The following RORA variants were observed in gnomAD, a reference collection of about 807,000 sequenced individuals.
The protein encoded by RORA is RAR related orphan receptor A.
A neutral mutation model predicts 69.5 loss-of-function variants in RORA; 7 were observed. The observed-to-expected ratio is 0.10, with a 90% CI of 0.06 to 0.19. RORA has a LOEUF of 0.19. RORA is among the 10% of genes least tolerant of loss of function. The probability of loss-of-function intolerance (pLI) is 1.00; values close to 1 mark genes in which losing one functional copy is unlikely to be tolerated. For missense variants in RORA, 457 were observed against 663.0 expected (o/e 0.69, Z 3.41); for synonymous variants, 261 against 240.8 (o/e 1.08, Z -0.78).
chr15:60,947,493 G>C (rs1037570010), intron 1 of RORA, among the ~76,000 whole-genome samples: 1 of 151,800 alleles, frequency 6.6e-6, no homozygotes, highest in Non-Finnish European at 1.5e-5. Context: ...CTTGAAGGCA[G>C]CATGCTCGTT....
At chr15:60,587,370 T>C (rs987750986) in intron 2 of RORA, among the ~76,000 whole-genome samples, 1 of 152,208 alleles carries the variant, frequency 6.6e-6, no homozygotes, top group African/African-American at 2.4e-5. Flanking sequence ...TTTTCCCATA[T>C]AAATGCCAGA....
intron 1 of RORA, among the ~76,000 whole-genome samples, chr15:61,048,715 C>A (rs941673420): frequency 6.6e-6 from 1 of 152,166 alleles, no homozygotes; most frequent in Non-Finnish European, 1.5e-5. Flanking sequence ...TCCCCCTGAA[C>A]AATTCTCATC....
chr15:60,935,236 T>C (rs1237347074), intron 1 of RORA, among the ~76,000 whole-genome samples: 6 of 152,210 alleles, frequency 3.9e-5, no homozygotes, highest in African/African-American at 1.2e-4. Context: ...AAATAACCCA[T>C]TTGCCTGTAA....
intron 2 of RORA, among the ~76,000 whole-genome samples, chr15:60,638,188 A>G (rs142503331): frequency 1.3e-5 from 2 of 152,280 alleles, no homozygotes; most frequent in South Asian, 2.1e-4. Flanking sequence ...CAACCCATCT[A>G]TCTGTAGAAA....
chr15:60,748,848 T>C (rs1296059255), intron 1 of RORA, among the ~76,000 whole-genome samples: 1 of 152,220 alleles, frequency 6.6e-6, no homozygotes, highest in African/African-American at 2.4e-5. Flanking sequence ...GGAGTGTTTG[T>C]ATTCTAGAAT....
chr15:60,735,415 C>T (rs1056898759), intron 1 of RORA, among the ~76,000 whole-genome samples: 3 of 152,134 alleles, frequency 2.0e-5, no homozygotes, highest in Admixed American at 6.5e-5. Flanking sequence ...TGGTAGACAT[C>T]ATTCTAAACT....
At chr15:61,077,034 A>G (rs1354348162) in intron 1 of RORA, among the ~76,000 whole-genome samples, 2 of 152,166 alleles carry the variant, frequency 1.3e-5, no homozygotes, top group Non-Finnish European at 2.9e-5. Context: ...GAAACACTAA[A>G]ACCGATTTTG....
intron 1 of RORA, among the ~76,000 whole-genome samples, chr15:61,205,907 T>C (rs191177911): frequency 2.6e-5 from 4 of 152,092 alleles, no homozygotes; most frequent in African/African-American, 9.7e-5. Context: ...GGTGGTATGG[T>C]AGGAGGCACG....
Position 61,220,931 on chromosome 15 carries a change from C to T in RORA, c.166+8122G>A, listed in dbSNP as rs769139843. 2.9e-4 allele frequency among the ~76,000 whole-genome samples: 44 copies of T among 152,308 alleles called. No homozygotes were observed. In the Middle Eastern group the frequency reaches 0.024, roughly 82 times the overall value. The stretch of plus-strand genomic sequence containing the variant: ...GCTCCCTGCCTTCATCCACAGCCCC[C>T]ACTCCCCAGCCCCAAACAGGCATTG... On this transcript the variant is annotated intron_variant, in intron 1 of 10. Transcript: ENST00000335670.
At position 60,511,953 on chromosome 15, in the gene RORA, A is replaced by T; in HGVS notation, c.425-332T>A. 2 of 231,480 alleles carry T rather than the reference A, an allele frequency of 8.6e-6. No individual in the cohort carries two copies. The highest frequency in any genetic ancestry group is 1.7e-5 in the Non-Finnish European group (2 of 118,370). 14.3% of individuals were successfully genotyped at this position (231,480 alleles called of 1,614,324 possible). On this transcript the variant is annotated intron_variant, in intron 4 of 10. Coordinates refer to ENST00000335670, the MANE Select transcript of RORA (RefSeq NM_134261.3). This position sits in a 1 kb window ranked among gnomAD's most constrained non-coding sequence, Gnocchi z 6.4. The stretch of plus-strand genomic sequence containing the variant: ...CACTGATAACTTAATGGGCTTGTTC[A>T]CTCTCCCCCCGTGCAGCTGGCTTAG...
intron 1 of RORA, among the ~76,000 whole-genome samples, chr15:61,215,066 G>A (rs1330096093): frequency 8.0e-6 from 1 of 125,648 alleles, no homozygotes; most frequent in Non-Finnish European, 1.6e-5. Context: ...TGTATTTTAG[G>A]TAGATATGGG....
At chr15:61,087,382 C>T (rs1029603218) in intron 1 of RORA, among the ~76,000 whole-genome samples, 2 of 152,224 alleles carry the variant, frequency 1.3e-5, no homozygotes, top group Non-Finnish European at 2.9e-5. Flanking sequence ...AGAACCCACT[C>T]CTTTTTCCTG....
intron 1 of RORA, among the ~76,000 whole-genome samples, chr15:60,819,499 A>G (rs184569261): frequency 2.6e-4 from 39 of 152,272 alleles, no homozygotes; most frequent in African/African-American, 8.7e-4. Flanking sequence ...CTAAAAACCT[A>G]TCAGTGATTC....
chr15:60,805,716 G>A (rs753349224), intron 1 of RORA, among the ~76,000 whole-genome samples: 7 of 152,146 alleles, frequency 4.6e-5, no homozygotes, highest in Non-Finnish European at 8.8e-5. Flanking sequence ...TCCTCTCTCT[G>A]GCAAACTGAG....
intron 2 of RORA, among the ~76,000 whole-genome samples, chr15:60,593,667 A>C (rs911627287): frequency 1.3e-4 from 20 of 152,316 alleles, no homozygotes; most frequent in Non-Finnish European, 1.9e-4. Flanking sequence ...CATAACAGAA[A>C]AAAATTCTGA....
At chr15:60,811,821 A>G (rs2072748646) in intron 1 of RORA, among the ~76,000 whole-genome samples, 1 of 152,198 alleles carries the variant, frequency 6.6e-6, no homozygotes, top group African/African-American at 2.4e-5. Context: ...CACAGTAAGC[A>G]ATGTGGGTGC....
At chr15:61,203,184 A>T (rs1255639382) in intron 1 of RORA, among the ~76,000 whole-genome samples, 9 of 152,254 alleles carry the variant, frequency 5.9e-5, no homozygotes, top group Admixed American at 5.2e-4. Flanking sequence ...TCTAGAAAGG[A>T]CAGACAAACA....
intron 1 of RORA, among the ~76,000 whole-genome samples, chr15:61,202,416 CT>C (rs941725183): frequency 2.6e-5 from 4 of 152,134 alleles, no homozygotes; most frequent in African/African-American, 7.2e-5. Flanking sequence ...CCTCAATAAC[CT>C]TTTACACAAA....
In RORA at chr15:61,084,475, T is replaced by C. The variant is rs73428890; in HGVS notation, c.166+144578A>G. ...AGATGGATAATTTATTTGACCTTTTTCAGAGGTACCTAAATATAGGAAATA... is the reference window on the plus strand; with the variant it reads ...AGATGGATAATTTATTTGACCTTTTCCAGAGGTACCTAAATATAGGAAATA... On this transcript the variant is annotated intron_variant, in intron 1 of 10. Transcript: ENST00000335670. Among the ~76,000 whole-genome samples, 379 of 152,348 alleles carry C rather than the reference T, an allele frequency of 2.5e-3. 1 individual carries two copies. Among genetic ancestry groups the C allele is most frequent in the African/African-American group, 8.6e-3 (358 of 41,588 alleles).
Sources: allele counts gnomAD v4.1 joint callset (sites outside exome capture counted in the v4.1 genomes callset), GRCh38; gene constraint gnomAD v4.1.1; non-coding constraint Gnocchi (gnomAD v3.1); transcripts MANE v1.5; gene names NCBI Gene and HGNC (gene_info 2026-07-23, HGNC 2026-07-21).